Variants in RBMS2 observed in about 807,000 individuals in gnomAD.
The protein encoded by RBMS2 is RNA-binding motif, single-stranded-interacting protein 2.
A neutral mutation model predicts 58.4 loss-of-function variants in RBMS2; 38 were observed. The observed-to-expected ratio is 0.65, with a 90% CI of 0.50 to 0.85. The LOEUF (loss-of-function observed/expected upper bound fraction) is 0.85, where lower values mean the gene tolerates loss of function less well. Among genes scored for constraint, RBMS2 ranks in the 40% least tolerant of loss-of-function variants. The pLI, the probability that RBMS2 is intolerant of heterozygous loss-of-function variation, is 0.00. For synonymous variants in RBMS2, 151 were observed against 180.7 expected, an observed-to-expected ratio of 0.84 and a Z score of 1.32; for missense variants, 367 against 503.7, an observed-to-expected ratio of 0.73 and a Z score of 2.60.
At chr12:56,571,198 G>C (rs1376282492) in intron 4 of RBMS2, among the ~76,000 whole-genome samples, 1 of 152,208 alleles carries the variant, frequency 6.6e-6, no homozygotes, top group Non-Finnish European at 1.5e-5. Flanking sequence ...AGCTTTCAGG[G>C]CTCCGTGGTG....
chr12:56,546,424 A>G (rs1877252170), intron 1 of RBMS2, among the ~76,000 whole-genome samples: 1 of 145,382 alleles, frequency 6.9e-6, no homozygotes, highest in Admixed American at 6.9e-5. Context: ...AATGTAAAAT[A>G]TAATGTATAA....
intron 2 of RBMS2, among the ~76,000 whole-genome samples, chr12:56,564,041 C>CT (rs1047637949): frequency 3.2e-4 from 48 of 147,966 alleles, no homozygotes; most frequent in East Asian, 1.4e-3. Flanking sequence ...AGAGAAGAAT[C>CT]TTTTTTTTTT....
At chr12:56,532,326 G>A (rs1242788485) in intron 1 of RBMS2, among the ~76,000 whole-genome samples, 5 of 151,624 alleles carry the variant, frequency 3.3e-5, no homozygotes, top group Admixed American at 6.6e-5. Context: ...GCAGATCACC[G>A]GAGGTCAGGA....
intron 1 of RBMS2, among the ~76,000 whole-genome samples, chr12:56,538,378 C>G: frequency 6.6e-6 from 1 of 150,522 alleles, no homozygotes; most frequent in Non-Finnish European, 1.5e-5. Flanking sequence ...CTGCAGATTA[C>G]AGGCATGAGC....
intron 1 of RBMS2, among the ~76,000 whole-genome samples, chr12:56,524,319 G>T (rs1040493655): frequency 6.6e-6 from 1 of 152,122 alleles, no homozygotes; most frequent in African/African-American, 2.4e-5. Context: ...ATGATCAGAT[G>T]TAAGGATGCT....
chr12:56,521,977 T>TTCTC lies in RBMS2; in HGVS notation c.-30_-27dup, dbSNP rs141771200. 8.4e-5 allele frequency: 57 copies of TTCTC among 680,268 alleles called. No homozygotes were observed. Among genetic ancestry groups the TTCTC allele is most frequent in the African/African-American group, 7.6e-4 (35 of 46,314 alleles). The allele number at this position is 680,268 out of a possible 1,614,324, so 42.1% of individuals were successfully genotyped here. On this transcript the variant is annotated 5_prime_UTR_variant, in exon 1 of 14. Transcript: ENST00000262031. ...TCCCCGTCTTTCTTACCCCCTCCCT[T>TTCTC]TCTCTCTCTCTCTCTCTCTCGCTCG...
At chr12:56,528,751 A>G (rs1873149427) in intron 1 of RBMS2, among the ~76,000 whole-genome samples, 1 of 152,146 alleles carries the variant, frequency 6.6e-6, no homozygotes, top group Non-Finnish European at 1.5e-5. Flanking sequence ...AACATGGTGA[A>G]ACCCCATCTC....
intron 2 of RBMS2, among the ~76,000 whole-genome samples, chr12:56,565,069 C>T (rs1290491313): frequency 6.6e-6 from 1 of 152,110 alleles, no homozygotes; most frequent in Non-Finnish European, 1.5e-5. Flanking sequence ...AACCTATGCA[C>T]ATGCTCCTAT....
intron 5 of RBMS2, among the ~76,000 whole-genome samples, chr12:56,577,687 T>A (rs964796618): frequency 1.3e-5 from 2 of 151,794 alleles, no homozygotes; most frequent in African/African-American, 4.8e-5. Context: ...TTTAATTTTT[T>A]AATTTTTTTT....
rs539601870 is a variant in RBMS2 at position 56,587,075 on chromosome 12, G to A, written c.951+149G>A. On this transcript the variant is annotated intron_variant, in intron 10 of 13. Transcript: ENST00000262031. ...GAGGTCAGGAGTTCGAGACCAGCCT[G>A]GCCAACATGACAAAACCCTGTCTCT... The A allele has an allele frequency of 6.7e-5, 53 of 788,494 alleles. No homozygotes were observed. In the African/African-American group the frequency reaches 8.9e-4, roughly 13 times the overall value. 48.8% of individuals were successfully genotyped at this position (788,494 alleles called of 1,614,324 possible).
intron 4 of RBMS2, among the ~76,000 whole-genome samples, chr12:56,571,406 G>T (rs1280030618): frequency 6.6e-6 from 1 of 152,170 alleles, no homozygotes; most frequent in African/African-American, 2.4e-5. Flanking sequence ...ACCGGCTGCT[G>T]GGGGAGAGCG....
chr12:56,548,388 A>G (rs945869311), intron 1 of RBMS2, among the ~76,000 whole-genome samples: 13 of 152,194 alleles, frequency 8.5e-5, no homozygotes, highest in African/African-American at 3.1e-4. Context: ...CAGAGGTTGC[A>G]GTGAGCTGAG....
intron 10 of RBMS2, among the ~76,000 whole-genome samples, 176 bp downstream of exon 10, chr12:56,587,102 C>T (rs1487909947): frequency 6.6e-6 from 1 of 152,196 alleles, no homozygotes; most frequent in Non-Finnish European, 1.5e-5. Flanking sequence ...CCTGTCTCTA[C>T]TAAAAATGCC....
intron 1 of RBMS2, among the ~76,000 whole-genome samples, chr12:56,533,686 G>A (rs938292052): frequency 6.6e-6 from 1 of 151,928 alleles, no homozygotes; most frequent in Non-Finnish European, 1.5e-5. Flanking sequence ...AAAGTGCTGG[G>A]ATTACAAGCA....
intron 11 of RBMS2, 125 bp from the exon 12 acceptor site, chr12:56,588,169 C>T: frequency 1.3e-6 from 1 of 769,262 alleles, no homozygotes; most frequent in Non-Finnish European, 2.2e-6. Context: ...TGCAAATGCT[C>T]AGACCAATTA....
intron 9 of RBMS2, among the ~76,000 whole-genome samples, chr12:56,584,024 A>T (rs1468814850): frequency 2.0e-5 from 3 of 152,240 alleles, no homozygotes; most frequent in African/African-American, 7.2e-5. Flanking sequence ...CTGGTTCAGT[A>T]AGATGGGTGG....
chr12:56,558,655 C>T (rs555318681), intron 1 of RBMS2, among the ~76,000 whole-genome samples: 1 of 141,686 alleles, frequency 7.1e-6, no homozygotes. Flanking sequence ...GTGGCACGAT[C>T]TTGCTTACTG....
upstream of RBMS2, among the ~76,000 whole-genome samples, chr12:56,520,620 T>C (rs1023978357): frequency 2.5e-4 from 38 of 152,194 alleles, no homozygotes; most frequent in African/African-American, 8.7e-4. Context: ...AGACATTCTT[T>C]GGAAACTAGT....
intron 9 of RBMS2, among the ~76,000 whole-genome samples, chr12:56,586,617 G>A (rs1233271085): frequency 6.6e-6 from 1 of 151,604 alleles, no homozygotes; most frequent in Non-Finnish European, 1.5e-5. Flanking sequence ...CCAGGCTGGA[G>A]TGCAGTGTCA....
Sources: gnomAD v4.1 joint callset for allele counts (sites outside exome capture counted in the v4.1 genomes callset) on GRCh38, gnomAD v4.1.1 for gene constraint, MANE v1.5 for transcripts, NCBI Gene and HGNC (gene_info 2026-07-23, HGNC 2026-07-21) for gene names.